KICS2: variants seen among roughly 807,000 people sequenced by gnomAD.
KICS2 encodes the protein KICSTOR subunit 2.
A neutral mutation model predicts 31.4 loss-of-function variants in KICS2; 13 were observed. The observed-to-expected ratio is 0.41, with a 90% CI of 0.27 to 0.66. The LOEUF (loss-of-function observed/expected upper bound fraction) is 0.66. KICS2 is among the 30% of genes least tolerant of loss of function. The probability of loss-of-function intolerance (pLI) is 0.28; values close to 1 mark genes in which losing one functional copy is unlikely to be tolerated. For missense variants in KICS2, 455 were observed against 545.4 expected (o/e 0.83, Z 1.65); for synonymous variants, 209 against 214.8 (o/e 0.97, Z 0.24).
At chr12:64,195,362 G>C (rs1413823538) in intron 2 of KICS2, among the ~76,000 whole-genome samples, 1 of 152,196 alleles carries the variant, frequency 6.6e-6, no homozygotes. Flanking sequence ...AACATCTGTT[G>C]AATGTGTAGA....
chr12:64,197,208 G>A (rs1408702874), intron 2 of KICS2, among the ~76,000 whole-genome samples: 2 of 142,172 alleles, frequency 1.4e-5, no homozygotes, highest in Non-Finnish European at 3.0e-5. Context: ...GAGAAAGGTC[G>A]GGTTACCCTC....
chr12:64,193,342 T>C lies in KICS2; in HGVS notation c.*500A>G, dbSNP rs1457880148. On this transcript the variant is annotated 3_prime_UTR_variant, in exon 3 of 3. Transcript: ENST00000398055. ...AATTTTGGCATCAAAAATGTTAATT[T>C]GTAGATCAGAATCATAAATCTACTA... The C allele has an allele frequency of 1.0e-6, 1 of 985,370 alleles. No individual in the cohort carries two copies. Among genetic ancestry groups the C allele is most frequent in the Non-Finnish European group, 1.2e-6 (1 of 829,942 alleles). 61.0% of individuals were successfully genotyped at this position (985,370 alleles called of 1,614,324 possible).
intron 2 of KICS2, among the ~76,000 whole-genome samples, chr12:64,201,386 A>G (rs367710643): frequency 2.1e-5 from 2 of 94,600 alleles, no homozygotes; most frequent in African/African-American, 4.2e-5. Flanking sequence ...ATTCTCACTC[A>G]TAGGTGGGAA....
At chr12:64,201,875 C>T (rs941842692) in intron 2 of KICS2, among the ~76,000 whole-genome samples, 1 of 149,196 alleles carries the variant, frequency 6.7e-6, no homozygotes, top group Non-Finnish European at 1.5e-5. Context: ...CAAATGGTGA[C>T]CCAATAAGAA....
At position 64,215,899 on chromosome 12, in the gene KICS2, C is replaced by T; in HGVS notation, c.300G>A (p.Glu100=). 2 of 1,613,972 alleles carry T rather than the reference C, an allele frequency of 1.2e-6. No individual in the cohort carries two copies. The highest frequency in any genetic ancestry group is 1.7e-6 in the Non-Finnish European group (2 of 1,179,946). Residue 100 remains glutamate (E), a synonymous_variant, in exon 2 of 3, where the codon GAG becomes GAA. Coordinates refer to ENST00000398055, the MANE Select transcript of KICS2 (RefSeq NM_152440.5). Reference sequence around the variant, plus strand: ...CACGGCCAGTCACCACCTTCTTCAGCTCATTATGCAATGAAGTATAGATGG... The same window carrying T: ...CACGGCCAGTCACCACCTTCTTCAGTTCATTATGCAATGAAGTATAGATGG... ...IRTIYTSLHN[E]LKKVVTGRGA...
intron 2 of KICS2, among the ~76,000 whole-genome samples, chr12:64,215,257 A>G (rs887998616): frequency 1.3e-5 from 2 of 152,160 alleles, no homozygotes; most frequent in African/African-American, 4.8e-5. Flanking sequence ...GGTTGCAGTG[A>G]GCTGAGATCA....
chr12:64,203,284 A>G (rs566803529), intron 2 of KICS2, among the ~76,000 whole-genome samples: 62 of 152,314 alleles, frequency 4.1e-4, no homozygotes, highest in Admixed American at 1.9e-3. Flanking sequence ...GTAACAGTAG[A>G]CTAGAATGGC....
chr12:64,219,335 A>C (rs947506136), intron 1 of KICS2, among the ~76,000 whole-genome samples: 13 of 152,204 alleles, frequency 8.5e-5, no homozygotes, highest in Admixed American at 7.9e-4. Context: ...ACAGGCATTG[A>C]GTCAGCATAT....
chr12:64,212,024 C>A (rs2037586551), intron 2 of KICS2, among the ~76,000 whole-genome samples: 1 of 152,020 alleles, frequency 6.6e-6, no homozygotes, highest in African/African-American at 2.4e-5. Flanking sequence ...CATTTTACTT[C>A]CAAATAACTC....
Position 64,222,000 on chromosome 12 carries a change from T to A in KICS2, c.235+3A>T. 1 of 1,520,642 alleles carries A rather than the reference T, an allele frequency of 6.6e-7. No homozygotes were observed. Among genetic ancestry groups the A allele is most frequent in the Non-Finnish European group, 9.1e-7 (1 of 1,104,238 alleles). 94.2% of individuals were successfully genotyped at this position (1,520,642 alleles called of 1,614,324 possible). A position where few individuals can be genotyped will look rare whatever the true frequency, so the allele number is the denominator to read the frequency against. On this transcript the variant is annotated splice_donor_region_variant and intron_variant, in intron 1 of 2. Coordinates refer to ENST00000398055, the MANE Select transcript of KICS2 (RefSeq NM_152440.5). ...AGGGGCTCGGGGGGCGGGGCGGAGG[T>A]ACCTAGTTTCTGCCCCAGGTAGGTG... is the stretch of plus-strand genomic sequence containing the variant.
At chr12:64,190,628 T>C (rs1009786083), downstream of KICS2, among the ~76,000 whole-genome samples, 3 of 151,940 alleles carry the variant, frequency 2.0e-5, no homozygotes, top group African/African-American at 7.3e-5. Flanking sequence ...TAGCCAGGCA[T>C]GGTCCTAGCT....
chr12:64,192,777 T>C lies in KICS2; in HGVS notation c.*1065A>G. The C allele has an allele frequency of 1.0e-6, 1 of 985,502 alleles. No individual in the cohort carries two copies. The highest frequency in any genetic ancestry group is 1.2e-6 in the Non-Finnish European group (1 of 829,974). The allele number at this position is 985,502 out of a possible 1,614,324, so 61.0% of individuals were successfully genotyped here. ...AGAAATAAGGCAGCATGTGCTAAGATGCAGTGCTGCTTCTAAACATAATTT... is the reference window on the plus strand; with the variant it reads ...AGAAATAAGGCAGCATGTGCTAAGACGCAGTGCTGCTTCTAAACATAATTT... On this transcript the variant is annotated 3_prime_UTR_variant, in exon 3 of 3. Transcript: ENST00000398055.
downstream of KICS2, chr12:64,187,639 T>C (rs1010500942): frequency 1.9e-5 from 29 of 1,535,974 alleles, no homozygotes; most frequent in Admixed American, 2.7e-4. Context: ...AATAATTGCA[T>C]TGGTAACAGG....
At chr12:64,216,118 T>A in intron 1 of KICS2, 155 bp from the exon 2 acceptor site, 1 of 186,652 alleles carries the variant, frequency 5.4e-6, no homozygotes, top group Non-Finnish European at 9.9e-6. Context: ...ATATAAATAC[T>A]TTATGATAAT....
At chr12:64,215,642 A>G (rs774936834) in intron 2 of KICS2, 36 bp downstream of exon 2, 1 of 1,566,932 alleles carries the variant, frequency 6.4e-7, no homozygotes, top group Non-Finnish European at 8.7e-7. Context: ...TTGATAGGAC[A>G]GCCACGCTTT....
At chr12:64,221,883 T>C (rs1366798694) in intron 1 of KICS2, 120 bp downstream of exon 1, 1 of 1,104,536 alleles carries the variant, frequency 9.1e-7, no homozygotes, top group African/African-American at 1.6e-5. Context: ...GATCTGGGAA[T>C]GCCGAGTCGA....
chr12:64,217,749 C>T (rs545742415), intron 1 of KICS2, among the ~76,000 whole-genome samples: 2 of 150,806 alleles, frequency 1.3e-5, no homozygotes, highest in Admixed American at 6.6e-5. Flanking sequence ...TGCAGCGAGC[C>T]GAAATCGTGC....
At chr12:64,216,101 G>T in intron 1 of KICS2, 138 bp from the exon 2 acceptor site, 1 of 470,760 alleles carries the variant, frequency 2.1e-6, no homozygotes, top group Non-Finnish European at 3.4e-6. Flanking sequence ...CTCTGTCTAT[G>T]ATTGAGATAT....
At chr12:64,216,940 T>C (rs1486027275) in intron 1 of KICS2, among the ~76,000 whole-genome samples, 1 of 21,058 alleles carries the variant, frequency 4.7e-5, no homozygotes, top group Non-Finnish European at 1.0e-4. Flanking sequence ...TTTCTAGGAA[T>C]ATATAAAAAA....
Sources: gnomAD v4.1 joint callset for allele counts (sites outside exome capture counted in the v4.1 genomes callset) on GRCh38, gnomAD v4.1.1 for gene constraint, MANE v1.5 for transcripts, NCBI Gene and HGNC (gene_info 2026-07-23, HGNC 2026-07-21) for gene names.